Variants in CTNNA3 observed in about 807,000 individuals in gnomAD.
CTNNA3 encodes catenin alpha-3.
In CTNNA3, 76 loss-of-function variants were observed where a neutral mutation model predicts 95.7. That is an observed-to-expected ratio of 0.79 (90% confidence interval 0.66 to 0.96). The LOEUF is 0.96. CTNNA3 is among the 40% of genes least tolerant of loss of function. The pLI, the probability that CTNNA3 is intolerant of heterozygous loss-of-function variation, is 0.00. For missense variants in CTNNA3, 1,191 were observed against 1,089.8 expected (o/e 1.09, Z -1.31); for synonymous variants, 431 against 374.4 (o/e 1.15, Z -1.74).
In CTNNA3 at chr10:66,161,903, C is replaced by T. The variant is rs548348657; in HGVS notation, c.1885-58654G>A. ...GAGGCTGTGTTCATATTTTTTTATT[C>T]TATTTTCTTTGTCTTTGATGGATTG... On this transcript the variant is annotated intron_variant, in intron 13 of 17. Transcript: ENST00000433211. 2.0e-5 allele frequency among the ~76,000 whole-genome samples: 3 copies of T among 152,038 alleles called. No homozygotes were observed. In the East Asian group the frequency reaches 5.8e-4, roughly 29 times the overall value.
chr10:67,432,506 G>T (rs1349217106), intron 5 of CTNNA3, among the ~76,000 whole-genome samples: 9 of 151,990 alleles, frequency 5.9e-5, no homozygotes, highest in Admixed American at 5.9e-4. Context: ...GCCTTTTCCA[G>T]CTCCTGGTGG....
intron 7 of CTNNA3, among the ~76,000 whole-genome samples, chr10:67,038,589 T>C (rs919347165): frequency 3.3e-5 from 5 of 152,108 alleles, no homozygotes; most frequent in South Asian, 4.1e-4. Context: ...GAAGAATACA[T>C]TAAATGTGCA....
At chr10:67,324,465 A>G (rs1383282319) in intron 5 of CTNNA3, among the ~76,000 whole-genome samples, 1 of 152,136 alleles carries the variant, frequency 6.6e-6, no homozygotes, top group Non-Finnish European at 1.5e-5. Flanking sequence ...TGAATTTATC[A>G]AAAAGCCTTT....
At chr10:66,423,515 C>T (rs1292546444) in intron 11 of CTNNA3, among the ~76,000 whole-genome samples, 1 of 152,128 alleles carries the variant, frequency 6.6e-6, no homozygotes, top group Non-Finnish European at 1.5e-5. Flanking sequence ...TCAGCATGAA[C>T]ATAAACCACA....
At chr10:66,058,948 G>T (rs766143747) in intron 15 of CTNNA3, among the ~76,000 whole-genome samples, 19 of 152,052 alleles carry the variant, frequency 1.2e-4, no homozygotes, top group South Asian at 4.1e-4. Flanking sequence ...TTATACATAT[G>T]GTTAGACTTG....
intron 9 of CTNNA3, among the ~76,000 whole-genome samples, chr10:66,644,509 A>G (rs1158677892): frequency 6.7e-6 from 1 of 149,148 alleles, no homozygotes; most frequent in Non-Finnish European, 1.5e-5. Flanking sequence ...ACAATATATT[A>G]GACACTATGT....
intron 5 of CTNNA3, among the ~76,000 whole-genome samples, chr10:67,365,170 A>G (rs965630622): frequency 6.6e-6 from 1 of 151,970 alleles, no homozygotes; most frequent in African/African-American, 2.4e-5. Flanking sequence ...CTGGCGAACC[A>G]TATGTAGAAA....
intron 16 of CTNNA3, among the ~76,000 whole-genome samples, chr10:65,977,974 C>T (rs2078239421): frequency 6.6e-6 from 1 of 152,034 alleles, no homozygotes; most frequent in Non-Finnish European, 1.5e-5. Flanking sequence ...TTTCCCATCC[C>T]ACAGGGCTCA....
intron 7 of CTNNA3, among the ~76,000 whole-genome samples, chr10:66,845,707 A>AAAAAAAAAAAAAC (rs1843228419): frequency 1.6e-5 from 1 of 61,198 alleles, no homozygotes; most frequent in Non-Finnish European, 2.9e-5. Flanking sequence ...CTGTCTCAAA[A>AAAAAAAAAAAAAC]AAAAAAAAAA....
intron 10 of CTNNA3, among the ~76,000 whole-genome samples, chr10:66,570,147 A>G (rs868519624): frequency 6.6e-6 from 1 of 152,146 alleles, no homozygotes; most frequent in African/African-American, 2.4e-5. Context: ...CCTTTTAGGG[A>G]TACTTCAGTT....
chr10:66,314,331 T>TA (rs2092068655), intron 12 of CTNNA3, among the ~76,000 whole-genome samples: 2 of 152,192 alleles, frequency 1.3e-5, no homozygotes, highest in African/African-American at 4.8e-5. Context: ...TATCTTTTTT[T>TA]AAAAAGGCTA....
Position 65,972,580 on chromosome 10 carries a change from A to G in CTNNA3, c.2266-5834T>C, listed in dbSNP as rs377352542. ...AGAACCAAATCAAGAACTCAACTCC[A>G]TTTACAATAGCTGCAAATAAATAAA... On this transcript the variant is annotated intron_variant, in intron 16 of 17. Coordinates refer to ENST00000433211, the MANE Select transcript of CTNNA3 (RefSeq NM_013266.4). 1.4e-4 allele frequency among the ~76,000 whole-genome samples: 22 copies of G among 152,112 alleles called. No homozygotes were observed. The East Asian group carries it at 2.1e-3, about 15-fold the overall frequency.
In CTNNA3 at chr10:66,330,293, C is replaced by G. The variant is rs191240454; in HGVS notation, c.1732+48859G>C. Among the ~76,000 whole-genome samples the G allele has an allele frequency of 1.3e-3, 193 of 147,322 alleles. 2 individuals carry two copies. The highest frequency in any genetic ancestry group is 4.5e-3 in the African/African-American group (182 of 40,196). ...GTCCCTGTGTTCTCATTGTTCAATT[C>G]CTACCTATGAGTGAGAACATGCAGT... On this transcript the variant is annotated intron_variant, in intron 12 of 17. Transcript: ENST00000433211.
At chr10:66,389,900 G>A (rs1371299410) in intron 11 of CTNNA3, among the ~76,000 whole-genome samples, 1 of 151,996 alleles carries the variant, frequency 6.6e-6, no homozygotes, top group African/African-American at 2.4e-5. Context: ...CGCCATGCCT[G>A]GCTGTTTTAA....
chr10:66,543,030 A>G (rs1166560316), intron 10 of CTNNA3, among the ~76,000 whole-genome samples: 1 of 152,180 alleles, frequency 6.6e-6, no homozygotes, highest in African/African-American at 2.4e-5. Flanking sequence ...GTATTTTTTA[A>G]TAAATAAACA....
Position 67,548,676 on chromosome 10 carries a change from A to G in CTNNA3, c.293-9007T>C, listed in dbSNP as rs2133221766. On this transcript the variant is annotated intron_variant, in intron 3 of 17. Transcript: ENST00000433211. ...ACTCTTAGAAAAAGAAAACAGGAAT[A>G]CAACTTTATAATCTTGAGTTAGGCA... 2.0e-5 allele frequency among the ~76,000 whole-genome samples: 3 copies of G among 152,282 alleles called. No individual in the cohort carries two copies. In the South Asian group the frequency reaches 6.2e-4, roughly 32 times the overall value.
At chr10:66,113,213 A>T (rs913213966) in intron 13 of CTNNA3, among the ~76,000 whole-genome samples, 1 of 151,860 alleles carries the variant, frequency 6.6e-6, no homozygotes, top group African/African-American at 2.4e-5. Flanking sequence ...CATGTCCATG[A>T]TGATTAGTGG....
intron 5 of CTNNA3, among the ~76,000 whole-genome samples, chr10:67,221,908 G>A (rs960338727): frequency 1.3e-5 from 2 of 152,124 alleles, no homozygotes; most frequent in Non-Finnish European, 2.9e-5. Flanking sequence ...CTTATAAAGT[G>A]CTTCTATACA....
chr10:66,524,712 G>A (rs1276925461), intron 10 of CTNNA3, among the ~76,000 whole-genome samples: 7 of 152,012 alleles, frequency 4.6e-5, no homozygotes, highest in Non-Finnish European at 7.4e-5. Context: ...CAAAGTGCAA[G>A]GAAGAAGAAA....
Sources: gnomAD v4.1 joint callset for allele counts (sites outside exome capture counted in the v4.1 genomes callset) on GRCh38, gnomAD v4.1.1 for gene constraint, MANE v1.5 for transcripts, NCBI Gene and HGNC (gene_info 2026-07-23, HGNC 2026-07-21) for gene names.